The following IRAK1BP1 variants were observed in gnomAD, a reference collection of about 807,000 sequenced individuals.
IRAK1BP1 encodes the protein interleukin 1 receptor associated kinase 1 binding protein 1.
In IRAK1BP1, 24 loss-of-function variants were observed where a neutral mutation model predicts 28.0. The ratio of observed to expected loss-of-function variants is 0.86; its 90% CI spans 0.62 to 1.20. The LOEUF (loss-of-function observed/expected upper bound fraction) is 1.20, where lower values mean the gene tolerates loss of function less well. Among genes scored for constraint, IRAK1BP1 ranks in the 50% most tolerant of loss-of-function variants. The probability of loss-of-function intolerance (pLI) is 0.00; values close to 1 mark genes in which losing one functional copy is unlikely to be tolerated. For missense variants in IRAK1BP1, 336 were observed against 316.7 expected (o/e 1.06, Z -0.46); for synonymous variants, 131 against 116.3 (o/e 1.13, Z -0.81).
At chr6:78,874,644 A>C (rs1023601807) in intron 1 of IRAK1BP1, among the ~76,000 whole-genome samples, 1 of 152,234 alleles carries the variant, frequency 6.6e-6, no homozygotes, top group Non-Finnish European at 1.5e-5. Flanking sequence ...AATTATAGTC[A>C]GAAATTCCAG....
At chr6:78,971,687 G>T in the IRAK1BP1 span, among the ~76,000 whole-genome samples, 1 of 152,118 alleles carries the variant, frequency 6.6e-6, no homozygotes, top group Non-Finnish European at 1.5e-5. Flanking sequence ...TGTGCGAGCC[G>T]AAGTAGGGTG....
chr6:78,970,052 A>G, the IRAK1BP1 span: 1 of 1,613,526 alleles, frequency 6.2e-7, no homozygotes, highest in Non-Finnish European at 8.5e-7. Context: ...TCCTTACTTC[A>G]TGGTAAATGA....
rs941332239 is a variant in IRAK1BP1, at chr6:78,903,013, A to G, written c.*4679A>G. 6 of 1,523,354 alleles carry G rather than the reference A, an allele frequency of 3.9e-6. No individual in the cohort carries two copies. The African/African-American group carries it at 8.3e-5, about 21-fold the overall frequency. 94.4% of individuals were successfully genotyped at this position (1,523,354 alleles called of 1,614,324 possible). On this transcript the variant is annotated 3_prime_UTR_variant, in exon 4 of 4. Transcript: ENST00000369940. The stretch of plus-strand genomic sequence containing the variant: ...TCAGCAACTCCTGGAATCCTTCTTC[A>G]ACATCCCAACCAACAATTACTCCCA...
At chr6:78,892,940 T>C (rs1424545687) in intron 2 of IRAK1BP1, among the ~76,000 whole-genome samples, 2 of 152,064 alleles carry the variant, frequency 1.3e-5, no homozygotes, top group Non-Finnish European at 2.9e-5. Flanking sequence ...TAGCCTATTA[T>C]ACATATAATT....
At chr6:78,946,263 G>T (rs780190546) in exon 5 of IRAK1BP1, 8 of 1,610,078 alleles carry the variant, frequency 5.0e-6, no homozygotes, top group Non-Finnish European at 6.8e-6. Flanking sequence ...TTTCAGGGCT[G>T]TAAATAAAAT....
At chr6:78,882,466 GTA>G (rs1487372663) in intron 1 of IRAK1BP1, among the ~76,000 whole-genome samples, 1 of 152,208 alleles carries the variant, frequency 6.6e-6, no homozygotes, top group Non-Finnish European at 1.5e-5. Context: ...CAAGTGACCA[GTA>G]TTAGTATTTG....
intron 4 of IRAK1BP1, chr6:78,940,548 G>GTTTTTTTTTTTTTTTT (rs36155238): frequency 1.2e-5 from 1 of 82,672 alleles, no homozygotes; most frequent in African/African-American, 5.7e-5. Context: ...TCGTAAGTTT[G>GTTTTTTTTTTTTTTTT]TTTTTTTTTT....
intron 4 of IRAK1BP1, among the ~76,000 whole-genome samples, chr6:78,924,499 C>A (rs914564745): frequency 3.9e-5 from 6 of 152,164 alleles, no homozygotes; most frequent in Non-Finnish European, 8.8e-5. Context: ...CAAAGAGGAG[C>A]TGGTACCATT....
rs1771773033 is a variant in IRAK1BP1 at position 78,893,787 on chromosome 6, C to T, written c.382-4042C>T. On this transcript the variant is annotated intron_variant, in intron 2 of 3. Coordinates refer to ENST00000369940, the MANE Select transcript of IRAK1BP1 (RefSeq NM_001010844.4). Reference sequence around the variant, plus strand: ...GGCATGGTGGTCACGCCTGTAGTCCCAGCTACTCAGGAGGCTGAGGCAGGA... The same window carrying T: ...GGCATGGTGGTCACGCCTGTAGTCCTAGCTACTCAGGAGGCTGAGGCAGGA... Among the ~76,000 whole-genome samples, 4 of 151,974 alleles carry T rather than the reference C, an allele frequency of 2.6e-5. No individual in the cohort carries two copies. In the South Asian group the frequency reaches 6.2e-4, roughly 24 times the overall value.
At chr6:78,955,588 G>T in the IRAK1BP1 span, 1 of 743,780 alleles carries the variant, frequency 1.3e-6, no homozygotes, top group Non-Finnish European at 2.3e-6. Context: ...TATCAATATG[G>T]TAATAATAAT....
At chr6:78,905,742 C>T (rs1214176357), downstream of IRAK1BP1, among the ~76,000 whole-genome samples, 1 of 152,134 alleles carries the variant, frequency 6.6e-6, no homozygotes, top group South Asian at 2.1e-4. Flanking sequence ...GCTGGGACTA[C>T]AGGCACATGC....
intron 1 of IRAK1BP1, among the ~76,000 whole-genome samples, chr6:78,880,608 G>T (rs1354717075): frequency 6.6e-6 from 1 of 152,166 alleles, no homozygotes; most frequent in African/African-American, 2.4e-5. Flanking sequence ...TCAGTCTATA[G>T]ACTGGGAGAA....
exon 5 of IRAK1BP1, chr6:78,945,443 C>G (rs760510363): frequency 6.2e-7 from 1 of 1,611,112 alleles, no homozygotes; most frequent in African/African-American, 1.3e-5. Context: ...ACTGGATTGA[C>G]CAGGACTGGA....
chr6:78,959,780 T>C, the IRAK1BP1 span, among the ~76,000 whole-genome samples: 1 of 152,190 alleles, frequency 6.6e-6, no homozygotes, highest in Non-Finnish European at 1.5e-5. Flanking sequence ...TAAAATATAA[T>C]GTATCTTGAA....
rs533828373 is a variant in IRAK1BP1, at chr6:78,875,221, G to A, written c.315+7330G>A. Among the ~76,000 whole-genome samples, 255 of 152,072 alleles carry A rather than the reference G, an allele frequency of 1.7e-3. 1 individual carries two copies. The highest frequency in any genetic ancestry group is 2.9e-3 in the Non-Finnish European group (197 of 67,964). ...TAGTAAGAATGGCTTTTATTAAAAA[G>A]TCAAAAAATAACAGATATTGGCAAG... On this transcript the variant is annotated intron_variant, in intron 1 of 3. Transcript: ENST00000369940.
At chr6:78,883,762 T>A (rs923141278) in intron 1 of IRAK1BP1, among the ~76,000 whole-genome samples, 2 of 152,178 alleles carry the variant, frequency 1.3e-5, no homozygotes, top group African/African-American at 4.8e-5. Flanking sequence ...AATCCATAAG[T>A]TTAAAATTGT....
rs1346200693 is a variant in IRAK1BP1, at chr6:78,902,975, G to A, written c.*4641G>A. 1 of 1,263,002 alleles carries A rather than the reference G, an allele frequency of 7.9e-7. No individual in the cohort carries two copies. Among genetic ancestry groups the A allele is most frequent in the Non-Finnish European group, 1.1e-6 (1 of 899,840 alleles). 78.2% of individuals were successfully genotyped at this position (1,263,002 alleles called of 1,614,324 possible). ...ACTCTTATAAACCTGTTTATCAGAA[G>A]GATATTTCTGTTTCAGCAACTCCTG... On this transcript the variant is annotated 3_prime_UTR_variant, in exon 4 of 4. Transcript: ENST00000369940.
In IRAK1BP1 at chr6:78,902,923, A is replaced by T. The variant is rs1427830329; in HGVS notation, c.*4589A>T. 1 of 784,038 alleles carries T rather than the reference A, an allele frequency of 1.3e-6. No homozygotes were observed. Among genetic ancestry groups the T allele is most frequent in the African/African-American group, 1.7e-5 (1 of 57,570 alleles). 48.6% of individuals were successfully genotyped at this position (784,038 alleles called of 1,614,324 possible). A position where few individuals can be genotyped will look rare whatever the true frequency, so the allele number is the denominator to read the frequency against. ...TATTAATAGAAATCTTTCAAGAAGG[A>T]TTGTTTTCTACTATTAAAACAATAA... On this transcript the variant is annotated 3_prime_UTR_variant, in exon 4 of 4. Coordinates refer to ENST00000369940, the MANE Select transcript of IRAK1BP1 (RefSeq NM_001010844.4).
intron 2 of IRAK1BP1, among the ~76,000 whole-genome samples, chr6:78,897,082 T>C (rs1323724855): frequency 6.6e-6 from 1 of 151,282 alleles, no homozygotes; most frequent in Non-Finnish European, 1.5e-5. Context: ...AGACTCCACC[T>C]CTACAAAAAA....
Sources: gnomAD v4.1 joint callset for allele counts (sites outside exome capture counted in the v4.1 genomes callset) on GRCh38, gnomAD v4.1.1 for gene constraint, MANE v1.5 for transcripts, NCBI Gene and HGNC (gene_info 2026-07-23, HGNC 2026-07-21) for gene names.